KLHL15: variants seen among roughly 807,000 people sequenced by gnomAD.
KLHL15 encodes the protein kelch-like protein 15.
In KLHL15, 1 loss-of-function variant was observed where a neutral mutation model predicts 29.3. The observed-to-expected ratio is 0.03, with a 90% CI of 0.01 to 0.16. The LOEUF (loss-of-function observed/expected upper bound fraction) is 0.16, where lower values mean the gene tolerates loss of function less well. KLHL15 is among the 10% of genes least tolerant of loss of function. KLHL15 has a pLI of 1.00. For synonymous variants in KLHL15, 212 were observed against 184.5 expected (o/e 1.15, Z -1.21); for missense variants, 215 against 478.5 (o/e 0.45, Z 5.14).
chrX:23,996,799 A>C (rs369810115), intron 3 of KLHL15, among the ~76,000 whole-genome samples: 15 of 112,189 alleles, frequency 1.3e-4, no homozygotes, highest in African/African-American at 4.9e-4. Context: ...TTATTTGTAA[A>C]ATCTTGCTCA....
intron 3 of KLHL15, among the ~76,000 whole-genome samples, chrX:23,991,631 G>C: frequency 8.9e-6 from 1 of 111,812 alleles, no homozygotes; most frequent in East Asian, 2.8e-4. Flanking sequence ...CACAAGGTCA[G>C]GAGTTCGAGA....
In KLHL15 at chrX:23,984,906, G is replaced by GT. The variant is rs1928959557; in HGVS notation, c.*3014dup. ...CTCAGTCAGTATTTCACAAATTCTA[G>GT]TAACACTCACACAGAGCAGAGTAAT... On this transcript the variant is annotated 3_prime_UTR_variant, in exon 4 of 4. Coordinates refer to ENST00000328046, the MANE Select transcript of KLHL15 (RefSeq NM_030624.3). 1 of 112,180 alleles carries GT rather than the reference G, an allele frequency of 8.9e-6. No individual in the cohort carries two copies. Among genetic ancestry groups the GT allele is most frequent in the Non-Finnish European group, 1.9e-5 (1 of 53,219 alleles). The allele number at this position is 112,180 out of a possible 1,213,427, so 9.2% of individuals were successfully genotyped here. A position where few individuals can be genotyped will look rare whatever the true frequency, so the allele number is the denominator to read the frequency against.
At position 24,006,658 on chromosome X, in the gene KLHL15, G is replaced by A. The variant is rs766571002; in HGVS notation, c.36C>T (p.Ile12=). ...AGDVEGFCSS[I]HDTSVSAGFR... ...ACCCAGCAGAGACACTGGTGTCGTGGATGGAGGAACAGAATCCTTCCACGT... is the reference window on the plus strand; with the variant it reads ...ACCCAGCAGAGACACTGGTGTCGTGAATGGAGGAACAGAATCCTTCCACGT... The change falls in exon 3 of 4, where the codon ATC becomes ATT. Residue 12 remains isoleucine (I), a synonymous_variant. Transcript: ENST00000328046. 2 of 1,206,730 alleles carry A rather than the reference G, an allele frequency of 1.7e-6. No homozygotes were observed. The highest frequency in any genetic ancestry group is 3.0e-5 in the East Asian group (1 of 33,741).
In KLHL15 at chrX:23,988,524, A is replaced by G; in HGVS notation, c.1212T>C (p.Asp404=). Residue 404 remains aspartate, a synonymous_variant, in exon 4 of 4, where the codon GAT becomes GAC. Transcript: ENST00000328046. ...GATAAGGATCCACAAATTCCCATTT[A>G]TCGTTGGTGATGTCATATCTCTCAG... ...YSTERYDITN[D]KWEFVDPYPV... is the part of the protein sequence containing the mutation. 8.3e-7 allele frequency: 1 copy of G among 1,211,658 alleles called. No individual in the cohort carries two copies. Among genetic ancestry groups the G allele is most frequent in the South Asian group, 1.8e-5 (1 of 56,972 alleles).
chrX:23,993,973 C>T (rs772859665), intron 3 of KLHL15, among the ~76,000 whole-genome samples: 1 of 107,399 alleles, frequency 9.3e-6, no homozygotes, highest in Non-Finnish European at 1.9e-5. Context: ...ATAGCTTGAG[C>T]CCAGGTTGAG....
chrX:24,006,844 C>G (rs1929453151), intron 2 of KLHL15, 144 bp from the exon 3 acceptor site: 1 of 477,981 alleles, frequency 2.1e-6, no homozygotes, highest in Non-Finnish European at 3.5e-6. Flanking sequence ...AGAAGACAAT[C>G]TAAAGGTTTG....
At chrX:24,021,282 G>A (rs1929798412) in intron 2 of KLHL15, among the ~76,000 whole-genome samples, 1 of 110,523 alleles carries the variant, frequency 9.0e-6, no homozygotes, top group African/African-American at 3.3e-5. Flanking sequence ...CCAACTTAAG[G>A]CCTCTCTACA....
chrX:24,023,244 G>A (rs1199940652), intron 2 of KLHL15, among the ~76,000 whole-genome samples: 1 of 111,383 alleles, frequency 9.0e-6, no homozygotes, highest in Non-Finnish European at 1.9e-5. Context: ...CCCGACTCGA[G>A]GTAGAGAGAA....
chrX:24,022,071 G>A (rs1279892557), intron 2 of KLHL15, among the ~76,000 whole-genome samples: 1 of 111,081 alleles, frequency 9.0e-6, no homozygotes, highest in Non-Finnish European at 1.9e-5. Context: ...GGGCGCGGTG[G>A]CTCATGTCTG....
At chrX:23,997,091 G>T (rs1248488647) in intron 3 of KLHL15, among the ~76,000 whole-genome samples, 1 of 111,663 alleles carries the variant, frequency 9.0e-6, no homozygotes, top group African/African-American at 3.3e-5. Flanking sequence ...GTGAACTTCA[G>T]AAGTAAAGTG....
intron 3 of KLHL15, among the ~76,000 whole-genome samples, chrX:24,004,948 T>A (rs943181421): frequency 1.8e-5 from 2 of 111,622 alleles, no homozygotes; most frequent in Non-Finnish European, 3.8e-5. Context: ...GCTGCTGTTA[T>A]TCAAAGGCGC....
intron 2 of KLHL15, among the ~76,000 whole-genome samples, chrX:24,012,460 G>T (rs1255378659): frequency 9.0e-6 from 1 of 110,754 alleles, no homozygotes; most frequent in East Asian, 2.8e-4. Context: ...TCCTTCATGG[G>T]CTCACTTTTC....
intron 2 of KLHL15, among the ~76,000 whole-genome samples, chrX:24,007,175 C>A (rs926117314): frequency 9.1e-6 from 1 of 110,188 alleles, no homozygotes; most frequent in Non-Finnish European, 1.9e-5. Flanking sequence ...GCCTGGGCAA[C>A]AGAGCACGAC....
In KLHL15 at chrX:24,009,609, C is replaced by G. The variant is rs752703466; in HGVS notation, c.-7-2909G>C. Reference sequence around the variant, plus strand: ...CTGAGACAGGAGAAATCTCCTGAACCCAGCAGGTGGAGGTCACAGTGAGCC... The same window carrying G: ...CTGAGACAGGAGAAATCTCCTGAACGCAGCAGGTGGAGGTCACAGTGAGCC... On this transcript the variant is annotated intron_variant, in intron 2 of 3. Transcript: ENST00000328046. Among the ~76,000 whole-genome samples, 6 of 107,519 alleles carry G rather than the reference C, an allele frequency of 5.6e-5. No homozygotes were observed. In the South Asian group the frequency reaches 2.5e-3, roughly 45 times the overall value. The allele number at this position is 107,519 out of a possible 115,157, so 93.4% of individuals were successfully genotyped here.
In KLHL15 at chrX:23,984,449, A is replaced by C. The variant is rs1268990401; in HGVS notation, c.*3472T>G. 8.9e-6 allele frequency: 1 copy of C among 112,376 alleles called. No individual in the cohort carries two copies. Among genetic ancestry groups the C allele is most frequent in the African/African-American group, 3.2e-5 (1 of 31,022 alleles). The allele number at this position is 112,376 out of a possible 1,213,427, so 9.3% of individuals were successfully genotyped here. On this transcript the variant is annotated 3_prime_UTR_variant, in exon 4 of 4. Coordinates refer to ENST00000328046, the MANE Select transcript of KLHL15 (RefSeq NM_030624.3). ...AAAACAAAAATCAAAAATGTATAAC[A>C]GGCAAACAAGAAAACTGGCACTAGC... is the stretch of plus-strand genomic sequence containing the variant.
At chrX:24,023,458 T>C (rs1454609586) in intron 2 of KLHL15, among the ~76,000 whole-genome samples, 1 of 112,330 alleles carries the variant, frequency 8.9e-6, no homozygotes, top group Non-Finnish European at 1.9e-5. Context: ...TAGAGGATTA[T>C]AAATTTAATA....
intron 2 of KLHL15, among the ~76,000 whole-genome samples, chrX:24,021,700 T>C (rs963784927): frequency 9.0e-6 from 1 of 111,596 alleles, no homozygotes; most frequent in Admixed American, 9.6e-5. Flanking sequence ...AGAGGTTAAG[T>C]AACTTGCCCA....
chrX:23,988,649 C>T lies in KLHL15; in HGVS notation c.1087G>A (p.Ala363Thr), dbSNP rs1220543432. The change falls in exon 4 of 4, where the codon GCA (alanine) becomes ACA (threonine). Residue 363 changes from alanine to threonine, a missense_variant. Coordinates refer to ENST00000328046, the MANE Select transcript of KLHL15 (RefSeq NM_030624.3). ...TCAGAGCGTGGTACAGACATATCTGCCATCTGCAGCCAGGAGTTCTGTCTC... is the reference window on the plus strand; with the variant it reads ...TCAGAGCGTGGTACAGACATATCTGTCATCTGCAGCCAGGAGTTCTGTCTC... ...DPRQNSWLQM[A>T]DMSVPRSEFA... 3.3e-6 allele frequency: 4 copies of T among 1,209,604 alleles called. No individual in the cohort carries two copies. The African/African-American group carries it at 5.3e-5, about 16-fold the overall frequency.
At chrX:24,021,062 A>T (rs1430788014) in intron 2 of KLHL15, among the ~76,000 whole-genome samples, 1 of 112,017 alleles carries the variant, frequency 8.9e-6, no homozygotes, top group East Asian at 2.8e-4. Context: ...ACCTGACAAC[A>T]TATTTTGTCT....
Sources: gnomAD v4.1 joint callset for allele counts (sites outside exome capture counted in the v4.1 genomes callset) on GRCh38, gnomAD v4.1.1 for gene constraint, MANE v1.5 for transcripts, NCBI Gene and HGNC (gene_info 2026-07-23, HGNC 2026-07-21) for gene names.